The following LMO7 variants were observed in gnomAD, a reference collection of about 807,000 sequenced individuals.
LMO7 encodes the protein LIM domain only protein 7.
LMO7 carries 120 observed loss-of-function variants against 206.5 expected under a neutral mutation model. The observed-to-expected ratio is 0.58, with a 90% CI of 0.50 to 0.68. The LOEUF (loss-of-function observed/expected upper bound fraction) is 0.68. Ranked by LOEUF, LMO7 falls within the 30% of genes least tolerant of loss-of-function variation. LMO7 has a pLI of 0.00. For synonymous variants in LMO7, 706 were observed against 681.5 expected, an observed-to-expected ratio of 1.04 and a Z score of -0.56; for missense variants, 1,959 against 1,957.9, an observed-to-expected ratio of 1.00 and a Z score of -0.01.
rs531777380 is a variant in LMO7, at chr13:75,791,078, A to G, written c.318-4323A>G. 8.0e-5 allele frequency among the ~76,000 whole-genome samples: 12 copies of G among 150,182 alleles called. 1 individual carries two copies. In the East Asian group the frequency reaches 1.8e-3, roughly 22 times the overall value. ...TGCAAACTCTGCCTCCTGCATATCT[A>G]CCCATTTTTAATGCAGATTTGGATT... On this transcript the variant is annotated intron_variant, in intron 4 of 30. Coordinates refer to ENST00000377534, the MANE Select transcript of LMO7 (RefSeq NM_001306080.2).
chr13:75,758,142 G>A (rs2047838425), intron 3 of LMO7, among the ~76,000 whole-genome samples: 1 of 152,068 alleles, frequency 6.6e-6, no homozygotes, highest in African/African-American at 2.4e-5. Flanking sequence ...TGGAGTCCTG[G>A]TGACTAGTCC....
At chr13:75,760,384 T>C (rs1594776420) in intron 3 of LMO7, 1 of 1,062,516 alleles carries the variant, frequency 9.4e-7, no homozygotes, top group Non-Finnish European at 1.1e-6. Context: ...TAGTATGGTT[T>C]CCCTGCCTGT....
At chr13:75,851,618 AAAAT>A (rs1170563824) in intron 27 of LMO7, among the ~76,000 whole-genome samples, 2 of 152,236 alleles carry the variant, frequency 1.3e-5, no homozygotes, top group Non-Finnish European at 2.9e-5. Flanking sequence ...GAAAGCAATA[AAAAT>A]AAATGTGACT....
At chr13:75,817,872 GA>G (rs910374402) in intron 12 of LMO7, among the ~76,000 whole-genome samples, 3 of 151,938 alleles carry the variant, frequency 2.0e-5, no homozygotes, top group African/African-American at 7.3e-5. Flanking sequence ...TGATCCTGAA[GA>G]AAAAAGCTTG....
chr13:75,723,569 AT>A (rs1008369532), intron 2 of LMO7, among the ~76,000 whole-genome samples: 5 of 152,212 alleles, frequency 3.3e-5, no homozygotes, highest in African/African-American at 1.2e-4. Flanking sequence ...AGAGCATCAA[AT>A]TCTGTTCTCA....
At chr13:75,690,591 A>G (rs1017901206) in intron 1 of LMO7, among the ~76,000 whole-genome samples, 4 of 152,198 alleles carry the variant, frequency 2.6e-5, no homozygotes, top group Non-Finnish European at 5.9e-5. Context: ...TCTGTTAGGC[A>G]TTATGGCCAA....
chr13:75,822,615 A>G (rs551447803), intron 14 of LMO7, among the ~76,000 whole-genome samples: 4 of 151,706 alleles, frequency 2.6e-5, no homozygotes, highest in African/African-American at 9.7e-5. Context: ...GCTTCCCTGG[A>G]GCAAGAATGA....
chr13:75,767,420 T>C (rs1376021058), intron 4 of LMO7, among the ~76,000 whole-genome samples: 3 of 152,020 alleles, frequency 2.0e-5, no homozygotes, highest in Non-Finnish European at 1.5e-5. Context: ...CAGGAACCCA[T>C]TGGAAAGTAA....
chr13:75,820,976 C>T (rs149059779), intron 13 of LMO7, among the ~76,000 whole-genome samples: 4,636 of 144,968 alleles, frequency 0.032, 73 homozygotes, highest in African/African-American at 0.051. Flanking sequence ...CCAGCCTGGA[C>T]GACAGAGCGA....
chr13:75,807,046 A>T (rs594666), intron 9 of LMO7: 1 of 160,556 alleles, frequency 6.2e-6, no homozygotes, highest in Admixed American at 5.9e-5. Context: ...GCTTGAACCC[A>T]GGAGGCGGAG....
At chr13:75,668,287 A>G (rs1421204323) in intron 1 of LMO7, among the ~76,000 whole-genome samples, 1 of 152,238 alleles carries the variant, frequency 6.6e-6, no homozygotes, top group African/African-American at 2.4e-5. Flanking sequence ...TTTTCTCTGT[A>G]GTGGTGGCAG....
rs757004967 is a variant in LMO7 at position 75,796,669 on chromosome 13, G to A, written c.382G>A (p.Ala128Thr). 3 of 1,612,852 alleles carry A rather than the reference G, an allele frequency of 1.9e-6. No homozygotes were observed. The highest frequency in any genetic ancestry group is 1.7e-6 in the Non-Finnish European group (2 of 1,179,274). Reference sequence around the variant, plus strand: ...AACATTGTACTGGCTGGGAAGAAAAGCACAAAGCAACCCGTACTATAATGG... The same window carrying A: ...AACATTGTACTGGCTGGGAAGAAAAACACAAAGCAACCCGTACTATAATGG... ...LITLYWLGRK[A>T]QSNPYYNGPH... Residue 128 changes from alanine to threonine, a missense_variant, in exon 6 of 31, where the codon GCA (alanine) becomes ACA (threonine). By Grantham distance (58) the Ala-to-Thr change is moderately conservative. Coordinates refer to ENST00000377534, the MANE Select transcript of LMO7 (RefSeq NM_001306080.2).
chr13:75,722,330 A>G (rs2044087679), intron 2 of LMO7, among the ~76,000 whole-genome samples: 1 of 152,234 alleles, frequency 6.6e-6, no homozygotes, highest in African/African-American at 2.4e-5. Flanking sequence ...TCTGTAATCT[A>G]CAGGGAACTC....
intron 1 of LMO7, among the ~76,000 whole-genome samples, chr13:75,711,211 T>C (rs1241196430): frequency 1.3e-5 from 2 of 152,234 alleles, no homozygotes; most frequent in African/African-American, 2.4e-5. Context: ...CAGTATTTTA[T>C]TGAGGATTTT....
At chr13:75,667,394 G>A (rs1566290703) in intron 1 of LMO7, among the ~76,000 whole-genome samples, 1 of 152,050 alleles carries the variant, frequency 6.6e-6, no homozygotes, top group African/African-American at 2.4e-5. Flanking sequence ...TTGTTATCCA[G>A]TAATGTTAGC....
At chr13:75,852,580 A>C (rs915630434) in intron 27 of LMO7, among the ~76,000 whole-genome samples, 1 of 152,252 alleles carries the variant, frequency 6.6e-6, no homozygotes, top group Non-Finnish European at 1.5e-5. Context: ...TTTACTTGTT[A>C]AAGGTAATTT....
At chr13:75,713,296 A>G in intron 2 of LMO7, 44 bp downstream of exon 2, 1 of 1,339,130 alleles carries the variant, frequency 7.5e-7, no homozygotes, top group Non-Finnish European at 1.0e-6. Context: ...AAGCAAAGAT[A>G]TGTGTGTGTG....
At chr13:75,835,084 A>T in intron 17 of LMO7, 149 bp from the exon 18 acceptor site, 1 of 936,766 alleles carries the variant, frequency 1.1e-6, no homozygotes, top group Non-Finnish European at 1.5e-6. Flanking sequence ...ATATATGTGC[A>T]TTCAATGACT....
At chr13:75,738,315 G>A (rs1020736701) in intron 3 of LMO7, among the ~76,000 whole-genome samples, 4 of 152,160 alleles carry the variant, frequency 2.6e-5, no homozygotes, top group African/African-American at 9.7e-5. Context: ...TCGGTGTCAG[G>A]GCAATGGATT....
Sources: allele counts gnomAD v4.1 joint callset (sites outside exome capture counted in the v4.1 genomes callset), GRCh38; gene constraint gnomAD v4.1.1; transcripts MANE v1.5; gene names NCBI Gene and HGNC (gene_info 2026-07-23, HGNC 2026-07-21).